GPS2: variants seen among roughly 807,000 people sequenced by gnomAD.
The protein encoded by GPS2 is GPS-2.
A neutral mutation model predicts 48.1 loss-of-function variants in GPS2; 22 were observed. That is an observed-to-expected ratio of 0.46 (90% CI 0.33 to 0.65). The LOEUF is 0.65. Ranked by LOEUF, GPS2 falls within the 30% of genes least tolerant of loss-of-function variation. GPS2 has a pLI of 0.03. For missense variants in GPS2, 366 were observed against 406.8 expected, an observed-to-expected ratio of 0.90 and a Z score of 0.86; for synonymous variants, 202 against 142.5, an observed-to-expected ratio of 1.42 and a Z score of -2.98.
At position 7,313,753 on chromosome 17, in the gene GPS2, A is replaced by G. The variant is rs777085567; in HGVS notation, c.481-32T>C. The G allele has an allele frequency of 3.7e-6, 6 of 1,609,416 alleles. No individual in the cohort carries two copies. In the East Asian group the frequency reaches 1.1e-4, roughly 30 times the overall value. On this transcript the variant is annotated intron_variant, in intron 6 of 10. Transcript: ENST00000380728. ...AAGGAGAATGAGAACTCGCCTACAA[A>G]CTCCTTGAAAGCTGAAACCCAGTGA... is the stretch of plus-strand genomic sequence containing the variant.
rs954921042 is a variant in GPS2, at chr17:7,315,079, G to C, written c.-27C>G. ...GTGCTGCCGTGGGCGCTCGGGCCGT[G>C]GGCGCCCGGCTGTCTCTGACTGCCA... On this transcript the variant is annotated 5_prime_UTR_variant, in exon 2 of 11. Transcript: ENST00000380728. The C allele has an allele frequency of 6.5e-7, 1 of 1,546,326 alleles. No homozygotes were observed. The highest frequency in any genetic ancestry group is 8.7e-7 in the Non-Finnish European group (1 of 1,146,286).
Position 7,314,894 on chromosome 17 carries a change from A to G in GPS2, c.94+65T>C. On this transcript the variant is annotated intron_variant, in intron 2 of 10. Transcript: ENST00000380728. ...GGCGCGCTGGTTGGCCGGTGGGTTG[A>G]GGCCAGCCTTGAGGTACAGGAGCCA... is the stretch of plus-strand genomic sequence containing the variant. The G allele has an allele frequency of 3.3e-6, 5 of 1,522,276 alleles. 1 individual carries two copies. The South Asian group carries it at 5.9e-5, about 18-fold the overall frequency. 94.3% of individuals were successfully genotyped at this position (1,522,276 alleles called of 1,614,324 possible). A position where few individuals can be genotyped will look rare whatever the true frequency, so the allele number is the denominator to read the frequency against.
intron 2 of GPS2, 40 bp from the exon 3 acceptor site, chr17:7,314,637 A>C: frequency 6.2e-7 from 1 of 1,613,128 alleles, no homozygotes; most frequent in Non-Finnish European, 8.5e-7. Context: ...CAGGGTAGTG[A>C]AAACAATTCC....
rs371841461 is a variant in GPS2 at position 7,313,139 on chromosome 17, G to A, written c.805-15C>T. On this transcript the variant is annotated splice_polypyrimidine_tract_variant and intron_variant, in intron 9 of 10. Transcript: ENST00000380728. Reference sequence around the variant, plus strand: ...CGCAGAGAGGACTGCAGAGAACAGAGTCAGGGCCTGAGGCATACTGAAGCT... The same window carrying A: ...CGCAGAGAGGACTGCAGAGAACAGAATCAGGGCCTGAGGCATACTGAAGCT... The A allele has an allele frequency of 3.7e-6, 6 of 1,608,676 alleles. No homozygotes were observed. Among genetic ancestry groups the A allele is most frequent in the Non-Finnish European group, 8.5e-7 (1 of 1,175,644 alleles).
rs748648209 is a variant in GPS2, at chr17:7,315,047, G to A, written c.6C>T (p.Pro2=). ...AAAGCTTGGGGCGCTCCAGGAGTGC[G>A]GGCATGGTGCTGCCGTGGGCGCTCG... M[P]ALLERPKLSN... is the part of the protein sequence containing the mutation. Residue 2 remains proline (P), a synonymous_variant, in exon 2 of 11, where the codon CCC becomes CCT. Coordinates refer to ENST00000380728, the MANE Select transcript of GPS2 (RefSeq NM_004489.5). 4 of 1,596,950 alleles carry A rather than the reference G, an allele frequency of 2.5e-6. No homozygotes were observed. The highest frequency in any genetic ancestry group is 1.1e-5 in the South Asian group (1 of 88,640).
rs530034214 is a variant in GPS2 at position 7,312,900 on chromosome 17, C to A, written c.901-61G>T. 3.9e-6 allele frequency: 6 copies of A among 1,525,646 alleles called. No homozygotes were observed. The South Asian group carries it at 4.5e-5, about 11-fold the overall frequency. 94.5% of individuals were successfully genotyped at this position (1,525,646 alleles called of 1,614,324 possible). ...GGCATACTCTCCCTTCCACTTAATA[C>A]CCTACTGATAACCACCCCCAAAGAG... On this transcript the variant is annotated intron_variant, in intron 10 of 10. Transcript: ENST00000380728.
chr17:7,313,645 C>G lies in GPS2; in HGVS notation c.557G>C (p.Gly186Ala). 1 of 1,614,146 alleles carries G rather than the reference C, an allele frequency of 6.2e-7. No homozygotes were observed. Among genetic ancestry groups the G allele is most frequent in the Non-Finnish European group, 8.5e-7 (1 of 1,180,016 alleles). Reference protein sequence around the residue: ...EHGQFQGSPGGAYGTAQPPPH... With the variant: ...EHGQFQGSPGAAYGTAQPPPH... ...TGGGGGCTGAGCAGTCCCATAGGCA[C>G]CACCAGGACTGCCTTGGAATTGTCC... Residue 186 changes from glycine (G) to alanine (A), a missense_variant, in exon 7 of 11, where the codon GGT (glycine) becomes GCT (alanine). By Grantham distance (60) the Gly-to-Ala change is moderately conservative. Transcript: ENST00000380728.
Position 7,313,622 on chromosome 17 carries a change from G to C in GPS2, c.580C>G (p.Pro194Ala). 3 of 1,614,044 alleles carry C rather than the reference G, an allele frequency of 1.9e-6. 1 individual carries two copies. Among genetic ancestry groups the C allele is most frequent in the Non-Finnish European group, 2.5e-6 (3 of 1,180,018 alleles). Residue 194 changes from proline (P) to alanine (A), a missense_variant, in exon 7 of 11, where the codon CCA becomes GCA. Physicochemically the swap from Pro to Ala is conservative, Grantham distance 27 (BLOSUM62 -1). Coordinates refer to ENST00000380728, the MANE Select transcript of GPS2 (RefSeq NM_004489.5). ...GGCTGTGTGGGCCCATAGTGAGGTG[G>C]GGGCTGAGCAGTCCCATAGGCACCA... is the stretch of plus-strand genomic sequence containing the variant. ...PGGAYGTAQP[P>A]PHYGPTQPAY...
In GPS2 at chr17:7,313,992, G is replaced by A; in HGVS notation, c.398-4C>T. The A allele has an allele frequency of 6.2e-7, 1 of 1,613,216 alleles. No homozygotes were observed. The highest frequency in any genetic ancestry group is 8.5e-7 in the Non-Finnish European group (1 of 1,179,184). On this transcript the variant is annotated splice_polypyrimidine_tract_variant and splice_region_variant and intron_variant, in intron 5 of 10. Coordinates refer to ENST00000380728, the MANE Select transcript of GPS2 (RefSeq NM_004489.5). ...CGATTGTGTCCTCCAGGGCTCCCTA[G>A]AAAGGGAGAAGGGCTTCATGATGCT...
intron 2 of GPS2, 136 bp from the exon 3 acceptor site, chr17:7,314,733 C>A: frequency 3.3e-6 from 5 of 1,513,148 alleles, no homozygotes; most frequent in Non-Finnish European, 4.5e-6. Context: ...CTCCCCATCG[C>A]GGCAATAGGG....
At position 7,314,719 on chromosome 17, in the gene GPS2, C is replaced by T; in HGVS notation, c.95-122G>A. ...CTGTATGCTCTTTGCCTCGAGGGGACAAGCTCCCCATCGCGGCAATAGGGA... is the reference window on the plus strand; with the variant it reads ...CTGTATGCTCTTTGCCTCGAGGGGATAAGCTCCCCATCGCGGCAATAGGGA... On this transcript the variant is annotated intron_variant, in intron 2 of 10. Coordinates refer to ENST00000380728, the MANE Select transcript of GPS2 (RefSeq NM_004489.5). 3 of 1,548,356 alleles carry T rather than the reference C, an allele frequency of 1.9e-6. No homozygotes were observed. The African/African-American group carries it at 4.1e-5, about 21-fold the overall frequency.
chr17:7,313,781 T>C, intron 6 of GPS2, 60 bp from the exon 7 acceptor site: 1 of 1,591,590 alleles, frequency 6.3e-7, no homozygotes, highest in African/African-American at 1.3e-5. Flanking sequence ...CCCAGTGACT[T>C]GTGTGTATCT....
Position 7,312,851 on chromosome 17 carries a change from G to A in GPS2, c.901-12C>T, listed in dbSNP as rs989648650. 6 of 1,611,238 alleles carry A rather than the reference G, an allele frequency of 3.7e-6. No homozygotes were observed. In the African/African-American group the frequency reaches 6.7e-5, roughly 18 times the overall value. ...GCTGCAAAGCCCGACTGGTGGTGGT[G>A]ATGAAAAGAGGGCTTTGTCACTGGG... On this transcript the variant is annotated splice_polypyrimidine_tract_variant and intron_variant, in intron 10 of 10. Transcript: ENST00000380728.
At chr17:7,313,493 A>G (rs2072892438) in intron 7 of GPS2, 24 bp from the exon 8 acceptor site, 6 of 1,613,834 alleles carry the variant, frequency 3.7e-6, no homozygotes, top group East Asian at 2.2e-5. Flanking sequence ...AGACAGAGCC[A>G]TTAAAATCTT....
At chr17:7,314,812 G>C in intron 2 of GPS2, 147 bp downstream of exon 2, 2 of 1,277,186 alleles carry the variant, frequency 1.6e-6, no homozygotes, top group Non-Finnish European at 2.2e-6. Flanking sequence ...CGTGGAACAG[G>C]ACGCTTAAAT....
chr17:7,313,044 C>T lies in GPS2; in HGVS notation c.885G>A (p.Met295Ile), dbSNP rs147815838. 2.4e-5 allele frequency: 38 copies of T among 1,551,290 alleles called. No homozygotes were observed. In the Admixed American group the frequency reaches 5.1e-4, roughly 21 times the overall value. Residue 295 changes from methionine to isoleucine, a missense_variant, in exon 10 of 11, where the codon ATG becomes ATA. Transcript: ENST00000380728. ...LLASPQLPVQ[M>I]QPAGKSGFAA... is the part of the protein sequence containing the mutation. The stretch of plus-strand genomic sequence containing the variant: ...CCATTCTTACCTTTCCTGCTGGCTG[C>T]ATCTGCACAGGGAGCTGGGGGGAAG...
At position 7,313,039 on chromosome 17, in the gene GPS2, G is replaced by A. The variant is rs1255567344; in HGVS notation, c.890C>T (p.Pro297Leu). The change falls in exon 10 of 11, where the codon CCA (proline) becomes CTA (leucine). Residue 297 changes from proline (P) to leucine (L), a missense_variant. Physicochemically the swap from Pro to Leu is moderately conservative, Grantham distance 98 (BLOSUM62 -3). This residue lies in a region of GPS2 where 275 missense variants were observed against 282.3 expected (regional missense o/e 0.97). Coordinates refer to ENST00000380728, the MANE Select transcript of GPS2 (RefSeq NM_004489.5). ...TATTACCATTCTTACCTTTCCTGCT[G>A]GCTGCATCTGCACAGGGAGCTGGGG... ...ASPQLPVQMQ[P>L]AGKSGFAATS... 6.5e-7 allele frequency: 1 copy of A among 1,548,180 alleles called. No homozygotes were observed. Among genetic ancestry groups the A allele is most frequent in the Non-Finnish European group, 8.7e-7 (1 of 1,145,870 alleles).
chr17:7,314,727 C>T, intron 2 of GPS2, 130 bp from the exon 3 acceptor site: 1 of 1,538,586 alleles, frequency 6.5e-7, no homozygotes, highest in Non-Finnish European at 8.8e-7. Context: ...GACAAGCTCC[C>T]CATCGCGGCA....
At chr17:7,314,908 G>A (rs1275837303) in intron 2 of GPS2, 51 bp downstream of exon 2, 6 of 1,539,092 alleles carry the variant, frequency 3.9e-6, no homozygotes, top group South Asian at 1.2e-5. Context: ...CAGCCTTGAG[G>A]TACAGGAGCC....
Sources: allele counts gnomAD v4.1 joint callset, GRCh38; gene constraint gnomAD v4.1.1; regional missense constraint gnomAD v4.1.1; transcripts MANE v1.5; gene names NCBI Gene and HGNC (gene_info 2026-07-23, HGNC 2026-07-21).